The following CDH13 variants were observed in gnomAD, a reference collection of about 807,000 sequenced individuals.
CDH13 encodes the protein cadherin 13.
Under a neutral mutation model 63.8 loss-of-function variants are expected in CDH13, and 24 were observed. The observed-to-expected ratio is 0.38, with a 90% CI of 0.27 to 0.53. CDH13 has a LOEUF of 0.53. CDH13 is among the 20% of genes least tolerant of loss of function. CDH13 has a pLI of 0.85. For synonymous variants in CDH13, 503 were observed against 355.3 expected (o/e 1.42, Z -4.67); for missense variants, 1,049 against 903.1 (o/e 1.16, Z -2.07).
At chr16:83,417,525 A>G (rs1240667916) in intron 6 of CDH13, among the ~76,000 whole-genome samples, 5 of 152,108 alleles carry the variant, frequency 3.3e-5, no homozygotes, top group Non-Finnish European at 7.3e-5. Context: ...TATCCTGCTC[A>G]CTGACACCTC....
At chr16:82,816,486 G>A in intron 1 of CDH13, among the ~76,000 whole-genome samples, 1 of 152,132 alleles carries the variant, frequency 6.6e-6, no homozygotes, top group Non-Finnish European at 1.5e-5. Context: ...GGGAGGAACA[G>A]TTGTAACTTC....
chr16:83,259,215 T>C (rs759617815), intron 5 of CDH13, among the ~76,000 whole-genome samples: 4 of 152,164 alleles, frequency 2.6e-5, no homozygotes, highest in Non-Finnish European at 4.4e-5. Flanking sequence ...GGGAAAGCTG[T>C]TTTCCTCTCT....
At chr16:83,555,924 A>T (rs918920461) in intron 7 of CDH13, among the ~76,000 whole-genome samples, 3 of 152,140 alleles carry the variant, frequency 2.0e-5, no homozygotes, top group Non-Finnish European at 4.4e-5. Context: ...TTCAATGGGA[A>T]ATAGTTTTGG....
intron 8 of CDH13, among the ~76,000 whole-genome samples, chr16:83,632,060 C>G (rs759125924): frequency 2.0e-5 from 3 of 152,160 alleles, no homozygotes; most frequent in Non-Finnish European, 4.4e-5. Context: ...TAAAGAAGAA[C>G]GAACCCAATT....
At chr16:83,089,521 C>T in intron 3 of CDH13, among the ~76,000 whole-genome samples, 1 of 147,226 alleles carries the variant, frequency 6.8e-6, no homozygotes, top group African/African-American at 2.6e-5. Flanking sequence ...TCACTTGGCT[C>T]ACCAGTGGGA....
At chr16:82,966,785 G>A (rs1161951807) in intron 2 of CDH13, among the ~76,000 whole-genome samples, 3 of 152,102 alleles carry the variant, frequency 2.0e-5, no homozygotes, top group East Asian at 1.9e-4. Context: ...CAGACTCGAT[G>A]CCCCTTTTCC....
chr16:83,289,008 G>T lies in CDH13; in HGVS notation c.637-55854G>T, dbSNP rs754966. The stretch of plus-strand genomic sequence containing the variant: ...CTGCTCGCTACAGTTCCCGTAAGGG[G>T]TTGGAACACCACCTTTTTGAAATAG... On this transcript the variant is annotated intron_variant, in intron 5 of 13. Transcript: ENST00000567109. Among the ~76,000 whole-genome samples the T allele has an allele frequency of 7.0e-4, 106 of 152,198 alleles. 1 individual carries two copies. The highest frequency in any genetic ancestry group is 1.2e-3 in the Non-Finnish European group (79 of 68,034).
chr16:82,678,244 A>G (rs957834946), intron 1 of CDH13, among the ~76,000 whole-genome samples: 1 of 152,158 alleles, frequency 6.6e-6, no homozygotes, highest in Non-Finnish European at 1.5e-5. Context: ...AGGATCAGAA[A>G]TAAACTAGAA....
chr16:83,205,901 C>A (rs1397566276), intron 4 of CDH13, among the ~76,000 whole-genome samples: 2 of 152,064 alleles, frequency 1.3e-5, no homozygotes, highest in Non-Finnish European at 2.9e-5. Flanking sequence ...CGGTGCCCGG[C>A]CAAAGGAAAA....
At chr16:83,720,916 C>G (rs1909609340) in intron 10 of CDH13, among the ~76,000 whole-genome samples, 1 of 152,198 alleles carries the variant, frequency 6.6e-6, no homozygotes, top group South Asian at 2.1e-4. Flanking sequence ...AATGGACTGG[C>G]CTCTGGCAGA....
At position 83,204,006 on chromosome 16, in the gene CDH13, T is replaced by C. The variant is rs1315776606; in HGVS notation, c.484-13339T>C. 2.6e-5 allele frequency among the ~76,000 whole-genome samples: 4 copies of C among 152,240 alleles called. No individual in the cohort carries two copies. The East Asian group carries it at 7.7e-4, about 29-fold the overall frequency. ...TGTACAGAGGAAACGGGCAACCCAC[T>C]GGATACACATAAATCTGGAAATCGA... is the stretch of plus-strand genomic sequence containing the variant. On this transcript the variant is annotated intron_variant, in intron 4 of 13. Coordinates refer to ENST00000567109, the MANE Select transcript of CDH13 (RefSeq NM_001257.5).
At chr16:83,395,433 G>A (rs1274838990) in intron 6 of CDH13, among the ~76,000 whole-genome samples, 1 of 152,090 alleles carries the variant, frequency 6.6e-6, no homozygotes, top group Non-Finnish European at 1.5e-5. Context: ...TTCCATCAGT[G>A]ATGTCTGGAA....
chr16:82,647,059 A>G (rs2150900089), intron 1 of CDH13, among the ~76,000 whole-genome samples: 1 of 152,292 alleles, frequency 6.6e-6, no homozygotes, highest in Non-Finnish European at 1.5e-5. Flanking sequence ...TTAAGAGCCC[A>G]GGCCTCGAGG....
chr16:83,575,853 G>A lies in CDH13; in HGVS notation c.961-26601G>A, dbSNP rs148351143. 3.0e-4 allele frequency among the ~76,000 whole-genome samples: 45 copies of A among 152,222 alleles called. No individual in the cohort carries two copies. In the East Asian group the frequency reaches 8.3e-3, roughly 28 times the overall value. On this transcript the variant is annotated intron_variant, in intron 7 of 13. Coordinates refer to ENST00000567109, the MANE Select transcript of CDH13 (RefSeq NM_001257.5). ...GGGCTATAGTTTGTGTAAGAGCAAGGTCCAGGACTATTTCACTCACCTTTG... is the reference window on the plus strand; with the variant it reads ...GGGCTATAGTTTGTGTAAGAGCAAGATCCAGGACTATTTCACTCACCTTTG...
At position 82,840,409 on chromosome 16, in the gene CDH13, G is replaced by T. The variant is rs1475513634; in HGVS notation, c.46-17953G>T. Reference sequence around the variant, plus strand: ...AAAAAAAAAAAAAACTTGGCCGGGTGCAGTGGCTCACACCTGTAATCCCAG... The same window carrying T: ...AAAAAAAAAAAAAACTTGGCCGGGTTCAGTGGCTCACACCTGTAATCCCAG... On this transcript the variant is annotated intron_variant, in intron 1 of 13. Coordinates refer to ENST00000567109, the MANE Select transcript of CDH13 (RefSeq NM_001257.5). Among the ~76,000 whole-genome samples, 4 of 151,526 alleles carry T rather than the reference G, an allele frequency of 2.6e-5. No homozygotes were observed. In the East Asian group the frequency reaches 7.8e-4, roughly 29 times the overall value.
chr16:83,727,441 T>C (rs945461122), intron 10 of CDH13, among the ~76,000 whole-genome samples: 10 of 151,766 alleles, frequency 6.6e-5, no homozygotes, highest in Non-Finnish European at 1.3e-4. Flanking sequence ...AAGCACCCTT[T>C]GCCCCATCAC....
At chr16:82,660,453 C>G (rs1597245772) in intron 1 of CDH13, among the ~76,000 whole-genome samples, 1 of 152,176 alleles carries the variant, frequency 6.6e-6, no homozygotes. Flanking sequence ...TGCGGGGAAA[C>G]CCAAGAGGGA....
chr16:83,432,389 G>A (rs1302006022), intron 6 of CDH13, among the ~76,000 whole-genome samples: 3 of 152,152 alleles, frequency 2.0e-5, no homozygotes, highest in African/African-American at 7.2e-5. Context: ...TATCACAGAT[G>A]AGGAAACTGA....
At chr16:83,001,454 T>A (rs1404147898) in intron 2 of CDH13, among the ~76,000 whole-genome samples, 2 of 152,248 alleles carry the variant, frequency 1.3e-5, no homozygotes, top group East Asian at 1.9e-4. Context: ...CCTGCTCCAA[T>A]GGGCCAGTAT....
Sources: gnomAD v4.1 joint callset for allele counts (sites outside exome capture counted in the v4.1 genomes callset) on GRCh38, gnomAD v4.1.1 for gene constraint, MANE v1.5 for transcripts, NCBI Gene and HGNC (gene_info 2026-07-23, HGNC 2026-07-21) for gene names.